Variants in SLIT3 observed in about 807,000 individuals in gnomAD.
SLIT3 encodes slit guidance ligand 3.
In SLIT3, 68 loss-of-function variants were observed where a neutral mutation model predicts 184.0. That is an observed-to-expected ratio of 0.37 (90% CI 0.30 to 0.45). The LOEUF is 0.45. SLIT3 is among the 20% of genes least tolerant of loss of function. The probability of loss-of-function intolerance (pLI) is 1.00; values close to 1 mark genes in which losing one functional copy is unlikely to be tolerated. For missense variants in SLIT3, 1,707 were observed against 2,026.0 expected (o/e 0.84, Z 3.02); for synonymous variants, 831 against 828.6 (o/e 1.00, Z -0.05).
chr5:168,943,153 C>T (rs1185242486), intron 4 of SLIT3, among the ~76,000 whole-genome samples: 1 of 152,142 alleles, frequency 6.6e-6, no homozygotes, highest in Non-Finnish European at 1.5e-5. Context: ...GGAGCTGGGG[C>T]ACTTATTCTA....
At position 168,673,265 on chromosome 5, in the gene SLIT3, G is replaced by A. The variant is rs960695353; in HGVS notation, c.3753C>T (p.Asn1251=). 1 of 1,613,978 alleles carries A rather than the reference G, an allele frequency of 6.2e-7. No individual in the cohort carries two copies. Among genetic ancestry groups the A allele is most frequent in the Non-Finnish European group, 8.5e-7 (1 of 1,179,992 alleles). ...VELVTLNQTL[N]LVVDKGTPKS... ...TTGGAGTTCCTTTGTCCACTACTAGGTTCAGGGTCTGGTTTAGCGTCACCA... is the reference window on the plus strand; with the variant it reads ...TTGGAGTTCCTTTGTCCACTACTAGATTCAGGGTCTGGTTTAGCGTCACCA... Residue 1251 remains asparagine, a synonymous_variant, in exon 33 of 36, where the codon AAC becomes AAT. Coordinates refer to ENST00000519560, the MANE Select transcript of SLIT3 (RefSeq NM_003062.4).
intron 1 of SLIT3, among the ~76,000 whole-genome samples, chr5:169,259,306 G>A (rs1239710445): frequency 6.6e-6 from 1 of 152,102 alleles, no homozygotes; most frequent in African/African-American, 2.4e-5. Flanking sequence ...TGATCCAACC[G>A]CCTCAGCCTC....
chr5:168,861,901 T>C (rs1450346576), intron 5 of SLIT3, among the ~76,000 whole-genome samples: 1 of 152,194 alleles, frequency 6.6e-6, no homozygotes, highest in African/African-American at 2.4e-5. Context: ...TTGGGAACCT[T>C]GGTGTATTGG....
intron 20 of SLIT3, among the ~76,000 whole-genome samples, chr5:168,724,760 C>G (rs138915506): frequency 3.9e-5 from 6 of 152,174 alleles, no homozygotes; most frequent in African/African-American, 7.2e-5. Flanking sequence ...TGGCTGTTTA[C>G]AGAGCTGATA....
chr5:169,179,326 T>C (rs1202492055), intron 4 of SLIT3, among the ~76,000 whole-genome samples: 1 of 150,090 alleles, frequency 6.7e-6, no homozygotes, highest in Non-Finnish European at 1.5e-5. Context: ...TGTTTGAGTC[T>C]CCACAGGTTA....
chr5:168,814,123 C>T (rs1226705276), intron 8 of SLIT3, among the ~76,000 whole-genome samples: 5 of 152,092 alleles, frequency 3.3e-5, no homozygotes, highest in South Asian at 2.1e-4. Context: ...GGGCCGGGTG[C>T]GGTGGCTCAT....
chr5:169,193,362 C>CTA, intron 4 of SLIT3, 117 bp downstream of exon 4: 3 of 820,476 alleles, frequency 3.7e-6, no homozygotes, highest in Non-Finnish European at 4.3e-6. Context: ...CTCCAAGTCT[C>CTA]TATGTCAGGG....
At chr5:168,795,601 G>C in intron 9 of SLIT3, 23 bp from the exon 10 acceptor site, 1 of 1,594,342 alleles carries the variant, frequency 6.3e-7, no homozygotes. Flanking sequence ...GCAGAGAAGA[G>C]TGAATTAACC....
intron 31 of SLIT3, 100 bp from the exon 32 acceptor site, chr5:168,684,196 C>T (rs1479665848): frequency 1.6e-6 from 2 of 1,243,440 alleles, no homozygotes; most frequent in Non-Finnish European, 2.2e-6. Context: ...GCTTCTGAAT[C>T]TGTGCTGCGT....
At chr5:168,898,454 T>C (rs966482028) in intron 4 of SLIT3, among the ~76,000 whole-genome samples, 6 of 151,622 alleles carry the variant, frequency 4.0e-5, no homozygotes, top group Admixed American at 2.6e-4. Flanking sequence ...AGAAAGCATA[T>C]GGAAATGAGA....
At chr5:169,017,862 T>C (rs2113479011) in intron 4 of SLIT3, 1 of 152,330 alleles carries the variant, frequency 6.6e-6, no homozygotes, top group East Asian at 1.9e-4. Context: ...AGAAGTAATC[T>C]GGAGCCACTA....
chr5:169,259,366 T>A (rs913383550), intron 1 of SLIT3, among the ~76,000 whole-genome samples: 7 of 152,210 alleles, frequency 4.6e-5, no homozygotes, highest in African/African-American at 1.2e-4. Context: ...GCCAAGGAAG[T>A]ACTTTCTAAA....
chr5:168,784,440 A>C (rs928850448), intron 12 of SLIT3, among the ~76,000 whole-genome samples: 1 of 152,154 alleles, frequency 6.6e-6, no homozygotes, highest in Non-Finnish European at 1.5e-5. Context: ...GATGCAGAGA[A>C]AGAGAGACTT....
chr5:168,795,655 T>G, intron 9 of SLIT3, 77 bp from the exon 10 acceptor site: 2 of 1,195,234 alleles, frequency 1.7e-6, no homozygotes, highest in South Asian at 1.2e-5. Context: ...CTGTGTTCTC[T>G]GGCCTTAAGG....
intron 9 of SLIT3, among the ~76,000 whole-genome samples, chr5:168,800,145 A>G (rs1404747853): frequency 6.6e-6 from 1 of 152,230 alleles, no homozygotes; most frequent in Non-Finnish European, 1.5e-5. Context: ...CTTAGACCCC[A>G]AAGGTTCAGT....
chr5:169,094,998 C>A (rs1180561038), intron 4 of SLIT3, among the ~76,000 whole-genome samples: 1 of 152,164 alleles, frequency 6.6e-6, no homozygotes, highest in African/African-American at 2.4e-5. Flanking sequence ...CTCACGGTCA[C>A]CACCTTAAAC....
chr5:169,193,008 C>T (rs1763606225), intron 4 of SLIT3, among the ~76,000 whole-genome samples: 1 of 152,136 alleles, frequency 6.6e-6, no homozygotes, highest in African/African-American at 2.4e-5. Flanking sequence ...ACCCCCAGAC[C>T]CAGGGTTCCT....
At chr5:168,695,636 C>T (rs1315986943) in intron 28 of SLIT3, among the ~76,000 whole-genome samples, 1 of 151,970 alleles carries the variant, frequency 6.6e-6, no homozygotes. Context: ...ATTTAACTGT[C>T]CTTTTTAGGG....
At chr5:168,949,286 G>A (rs1762575884) in intron 4 of SLIT3, among the ~76,000 whole-genome samples, 1 of 152,202 alleles carries the variant, frequency 6.6e-6, no homozygotes, top group Non-Finnish European at 1.5e-5. Flanking sequence ...CAGTCATGGG[G>A]ACCGTTCAGC....
Sources: gnomAD v4.1 joint callset for allele counts (sites outside exome capture counted in the v4.1 genomes callset) on GRCh38, gnomAD v4.1.1 for gene constraint, MANE v1.5 for transcripts, NCBI Gene and HGNC (gene_info 2026-07-23, HGNC 2026-07-21) for gene names.